The following MBP variants were observed in gnomAD, a reference collection of about 807,000 sequenced individuals.
MBP encodes Golli-MBP.
Under a neutral mutation model 35.8 loss-of-function variants are expected in MBP, and 16 were observed. The observed-to-expected ratio is 0.45, with a 90% confidence interval of 0.30 to 0.68. The LOEUF (loss-of-function observed/expected upper bound fraction) is 0.68, where lower values mean the gene tolerates loss of function less well. Among genes scored for constraint, MBP ranks in the 30% least tolerant of loss-of-function variants. The pLI is 0.08. For missense variants in MBP, 380 were observed against 404.7 expected, an observed-to-expected ratio of 0.94 and a Z score of 0.52; for synonymous variants, 143 against 159.6, an observed-to-expected ratio of 0.90 and a Z score of 0.78.
chr18:77,079,343 C>T (rs1420703313), intron 2 of MBP, among the ~76,000 whole-genome samples: 2 of 152,352 alleles, frequency 1.3e-5, no homozygotes, highest in African/African-American at 4.8e-5. Flanking sequence ...CACCCATGGC[C>T]ACGGCCACTG....
At chr18:76,987,413 G>A (rs1045806551) in intron 7 of MBP, 214 of 985,256 alleles carry the variant, frequency 2.2e-4, no homozygotes, top group Non-Finnish European at 2.5e-4. Context: ...AAAACGTTTC[G>A]GTAAATATCT....
intron 3 of MBP, among the ~76,000 whole-genome samples, chr18:77,041,994 C>G (rs1973027956): frequency 6.6e-6 from 1 of 151,874 alleles, no homozygotes; most frequent in African/African-American, 2.4e-5. Flanking sequence ...TGCCACAGAC[C>G]CCGCATCATC....
chr18:77,051,310 C>A (rs1017318549), intron 3 of MBP, among the ~76,000 whole-genome samples: 1 of 152,200 alleles, frequency 6.6e-6, no homozygotes, highest in Non-Finnish European at 1.5e-5. Flanking sequence ...GCGAATGACG[C>A]GAGCATCTCT....
At position 77,017,035 on chromosome 18, in the gene MBP, C is replaced by T. The variant is rs1321734461; in HGVS notation, c.373G>A (p.Ala125Thr). The T allele has an allele frequency of 1.9e-6, 3 of 1,613,986 alleles. No individual in the cohort carries two copies. The African/African-American group carries it at 4.0e-5, about 22-fold the overall frequency. ...DELQTIQEDS[A>T]ATSESLDVMA... ...ACATCCAGGCTCTCGGAGGTGGCTG[C>T]ACTGTCTTCTTGGATGGTCTGGAGC... The change falls in exon 4 of 9, where the codon GCA (alanine) becomes ACA (threonine). Residue 125 changes from alanine (A) to threonine (T), a missense_variant. Physicochemically the swap from Ala to Thr is moderately conservative, Grantham distance 58. Coordinates refer to ENST00000355994, the MANE Select transcript of MBP (RefSeq NM_001025101.2).
In MBP at chr18:76,988,637, GGTTCC is replaced by G; in HGVS notation, c.718-115_718-111del. On this transcript the variant is annotated intron_variant, in intron 6 of 8. Transcript: ENST00000355994. This position sits in a 1 kb window ranked among gnomAD's most constrained non-coding sequence, Gnocchi z 5.2. ...CAGTGGAGCTGAGGTGGTAAAAACA[GGTTCC>G]ACCCGGAGCTCCGAGGGGGGCCGCA... The G allele has an allele frequency of 6.6e-7, 1 of 1,515,704 alleles. No homozygotes were observed. The highest frequency in any genetic ancestry group is 1.8e-4 in the Middle Eastern group (1 of 5,568). 93.9% of individuals were successfully genotyped at this position (1,515,704 alleles called of 1,614,324 possible).
intron 1 of MBP, chr18:77,114,787 C>G (rs1299247099): frequency 6.6e-6 from 1 of 152,322 alleles, no homozygotes; most frequent in Non-Finnish European, 1.5e-5. Context: ...TAGGTCAGGT[C>G]CTGCTGAGCC....
chr18:77,070,979 G>T (rs182954399), intron 2 of MBP, among the ~76,000 whole-genome samples: 3 of 152,152 alleles, frequency 2.0e-5, no homozygotes, highest in Non-Finnish European at 4.4e-5. Context: ...ATTCATGTAC[G>T]TGCACACATG....
chr18:77,092,048 C>T (rs1233022525), intron 2 of MBP, among the ~76,000 whole-genome samples: 2 of 152,214 alleles, frequency 1.3e-5, no homozygotes, highest in African/African-American at 2.4e-5. Flanking sequence ...ATTTTAAGTG[C>T]ATTTTATTAA....
chr18:77,016,440 T>C, intron 4 of MBP: 1 of 1,049,426 alleles, frequency 9.5e-7, no homozygotes, highest in African/African-American at 1.7e-5. Context: ...CATAACCCAG[T>C]GTTGAACCCC....
At chr18:77,037,606 T>G (rs1322079553) in intron 3 of MBP, among the ~76,000 whole-genome samples, 1 of 152,252 alleles carries the variant, frequency 6.6e-6, no homozygotes, top group Non-Finnish European at 1.5e-5. Context: ...GAGTTCCAAC[T>G]TCCAAGCTGA....
At position 77,076,706 on chromosome 18, in the gene MBP, TAAAA is replaced by T. The variant is rs933843267; in HGVS notation, c.52-10325_52-10322del. Reference sequence around the variant, plus strand: ...TAAATATATTGGTGACCACTCAAGTTAAAAACATGTTCAATGATTCTTGAAAAAA... The same window carrying T: ...TAAATATATTGGTGACCACTCAAGTTACATGTTCAATGATTCTTGAAAAAA... On this transcript the variant is annotated intron_variant, in intron 2 of 8. Transcript: ENST00000355994. 7.9e-5 allele frequency among the ~76,000 whole-genome samples: 12 copies of T among 152,192 alleles called. No individual in the cohort carries two copies. In the South Asian group the frequency reaches 1.0e-3, roughly 13 times the overall value.
intron 2 of MBP, among the ~76,000 whole-genome samples, chr18:77,092,526 TCAAAC>T (rs1369390663): frequency 1.3e-5 from 2 of 152,020 alleles, no homozygotes; most frequent in African/African-American, 4.8e-5. Flanking sequence ...CCACTACAAC[TCAAAC>T]ATCATTCCAC....
intron 4 of MBP, among the ~76,000 whole-genome samples, chr18:76,992,079 C>G (rs1166492131): frequency 6.6e-6 from 1 of 152,214 alleles, no homozygotes; most frequent in Non-Finnish European, 1.5e-5. Flanking sequence ...CGGCACACAT[C>G]AGGTCTGAAG....
At chr18:76,999,326 C>T (rs766149698) in intron 4 of MBP, among the ~76,000 whole-genome samples, 2 of 152,124 alleles carry the variant, frequency 1.3e-5, no homozygotes, top group Non-Finnish European at 2.9e-5. Context: ...CCTCCGCTTC[C>T]CCCGTCAACC....
intron 7 of MBP, 179 bp from the exon 8 acceptor site, chr18:76,985,073 C>G (rs1226016017): frequency 2.0e-6 from 3 of 1,501,974 alleles, no homozygotes; most frequent in South Asian, 2.4e-5. Context: ...AGAGGCTGCT[C>G]CCCCAGGTCT....
intron 2 of MBP, among the ~76,000 whole-genome samples, chr18:77,096,758 C>A (rs1030943366): frequency 2.6e-5 from 4 of 151,296 alleles, no homozygotes; most frequent in Admixed American, 1.3e-4. Flanking sequence ...TGTTTTGGAG[C>A]TCACCACTTG....
At chr18:76,990,109 G>T in intron 4 of MBP, 49 bp from the exon 5 acceptor site, 1 of 1,278,388 alleles carries the variant, frequency 7.8e-7, no homozygotes, top group Non-Finnish European at 1.1e-6. Context: ...CAGTCCCTGC[G>T]GCTTGTCCTC....
At chr18:77,121,158 A>C (rs1976873348) in intron 1 of MBP, among the ~76,000 whole-genome samples, 1 of 152,092 alleles carries the variant, frequency 6.6e-6, no homozygotes, top group South Asian at 2.1e-4. Flanking sequence ...TACAAAAATT[A>C]GCCTGGTGTG....
At chr18:77,034,214 C>T (rs775344468) in intron 3 of MBP, among the ~76,000 whole-genome samples, 6 of 152,008 alleles carry the variant, frequency 3.9e-5, no homozygotes, top group Non-Finnish European at 8.8e-5. Context: ...CAGAGGGGAC[C>T]ATGTGCATGT....
Sources: allele counts gnomAD v4.1 joint callset (sites outside exome capture counted in the v4.1 genomes callset), GRCh38; gene constraint gnomAD v4.1.1; non-coding constraint Gnocchi (gnomAD v3.1); transcripts MANE v1.5; gene names NCBI Gene and HGNC (gene_info 2026-07-23, HGNC 2026-07-21).